The following COMMD6 variants were observed in gnomAD, a reference collection of about 807,000 sequenced individuals.
COMMD6 encodes the protein COMM domain containing 6.
COMMD6 carries 11 observed loss-of-function variants against 13.4 expected under a neutral mutation model. The observed-to-expected ratio is 0.82, with a 90% CI of 0.52 to 1.36. The LOEUF is 1.36. Among genes scored for constraint, COMMD6 ranks in the 40% most tolerant of loss-of-function variants. The pLI is 0.00. For synonymous variants in COMMD6, 43 were observed against 36.5 expected (o/e 1.18, Z -0.64); for missense variants, 124 against 102.4 (o/e 1.21, Z -0.91).
upstream of COMMD6, among the ~76,000 whole-genome samples, chr13:75,542,508 C>T (rs553276781): frequency 8.3e-4 from 127 of 152,232 alleles, no homozygotes; most frequent in African/African-American, 2.9e-3. Context: ...AGTCTGGTCT[C>T]GAACTCCTGA....
rs2030252693 is a variant in COMMD6 at position 75,526,311 on chromosome 13, G to A, written c.*278C>T. 3.4e-6 allele frequency: 1 copy of A among 298,342 alleles called. No homozygotes were observed. The highest frequency in any genetic ancestry group is 6.1e-6 in the Non-Finnish European group (1 of 163,722). 18.5% of individuals were successfully genotyped at this position (298,342 alleles called of 1,614,324 possible). A position where few individuals can be genotyped will look rare whatever the true frequency, so the allele number is the denominator to read the frequency against. The stretch of plus-strand genomic sequence containing the variant: ...ACATAAATTTGTGCTGCCTCCAACA[G>A]CAATGATTCAACTGTTAGTCTGATT... On this transcript the variant is annotated 3_prime_UTR_variant, in exon 4 of 4. Transcript: ENST00000682242.
At chr13:75,536,900 A>C (rs907845207) in intron 2 of COMMD6, among the ~76,000 whole-genome samples, 6 of 152,340 alleles carry the variant, frequency 3.9e-5, no homozygotes, top group African/African-American at 1.4e-4. Flanking sequence ...AAATGCACTA[A>C]ATCATATAAC....
intron 2 of COMMD6, among the ~76,000 whole-genome samples, chr13:75,535,932 GGCTGGACTGCTGTGGTGTAATCACA>G (rs1368568513): frequency 6.6e-6 from 1 of 151,924 alleles, no homozygotes; most frequent in Non-Finnish European, 1.5e-5. Context: ...CTGTCACTCA[GGCTGGACTGCTGTGGTGTAATCACA>G]GCTCACTGCT....
At chr13:75,549,366 A>C in exon 1 of COMMD6, 1 of 168,092 alleles carries the variant, frequency 5.9e-6, no homozygotes, top group Non-Finnish European at 1.3e-5. Context: ...GGCAATGGGT[A>C]GCCACCTGGC....
At chr13:75,526,718 C>A in intron 3 of COMMD6, 79 bp from the exon 4 acceptor site, 1 of 935,954 alleles carries the variant, frequency 1.1e-6, no homozygotes, top group Non-Finnish European at 1.7e-6. Context: ...TATCTGACTA[C>A]CGGAGACTAT....
chr13:75,531,304 AAT>A (rs2030470816), intron 2 of COMMD6, among the ~76,000 whole-genome samples: 1 of 152,342 alleles, frequency 6.6e-6, no homozygotes, highest in East Asian at 1.9e-4. Context: ...AAAGAAATAG[AAT>A]GGTTCCCAAG....
intron 2 of COMMD6, 114 bp from the exon 3 acceptor site, chr13:75,530,380 T>C: frequency 1.4e-6 from 1 of 695,692 alleles, no homozygotes. Flanking sequence ...CTGGTCATAT[T>C]TACATAAAGT....
rs191245428 is a variant in COMMD6, at chr13:75,532,607, G to A, written c.55-2341C>T. Among the ~76,000 whole-genome samples, 81 of 152,162 alleles carry A rather than the reference G, an allele frequency of 5.3e-4. No individual in the cohort carries two copies. In the East Asian group the frequency reaches 8.5e-3, roughly 16 times the overall value. ...AGCACTTTGGGAGGCCGAGGTGGGC[G>A]GATCACGAGGTCAGGAGATCAGAAT... On this transcript the variant is annotated intron_variant, in intron 2 of 3. Transcript: ENST00000682242.
At chr13:75,538,226 G>T (rs533982317), upstream of COMMD6, among the ~76,000 whole-genome samples, 10 of 152,324 alleles carry the variant, frequency 6.6e-5, no homozygotes, top group South Asian at 4.1e-4. Context: ...GCAAGGGAAG[G>T]CTGTGGGAAC....
Position 75,530,117 on chromosome 13 carries a change from A to G in COMMD6, c.204T>C (p.Phe68=), listed in dbSNP as rs1216984618. ...CTGGATGAGTTAAATCACAAACCTG[A>G]AACTGTGGAATCGTCATTTCAAAGC... ...TKCFEMTIPQ[F]QNFYRQFKEI... is the part of the protein sequence containing the mutation. The change falls in exon 3 of 4, where the codon TTT becomes TTC. Residue 68 remains phenylalanine (F), a synonymous_variant. Coordinates refer to ENST00000682242, the MANE Select transcript of COMMD6 (RefSeq NM_203495.4). 2 of 1,611,322 alleles carry G rather than the reference A, an allele frequency of 1.2e-6. No individual in the cohort carries two copies. Among genetic ancestry groups the G allele is most frequent in the Admixed American group, 3.4e-5 (2 of 59,518 alleles).
chr13:75,539,246 A>G (rs1221541481), upstream of COMMD6, among the ~76,000 whole-genome samples: 1 of 146,946 alleles, frequency 6.8e-6, no homozygotes, highest in Non-Finnish European at 1.5e-5. Flanking sequence ...TTTTTTTGAG[A>G]CAGAGTCTCA....
intron 3 of COMMD6, among the ~76,000 whole-genome samples, chr13:75,526,980 T>C (rs2030285731): frequency 6.6e-6 from 1 of 152,216 alleles, no homozygotes; most frequent in Non-Finnish European, 1.5e-5. Context: ...CTCAAAACAC[T>C]TTCAATCTAG....
chr13:75,537,318 G>A (rs1245401275), intron 2 of COMMD6: 2 of 1,548,274 alleles, frequency 1.3e-6, no homozygotes, highest in African/African-American at 2.7e-5. Context: ...TAGAGACTAA[G>A]AAAATGTTTG....
rs2030225468 is a variant in COMMD6, at chr13:75,525,782, A to T, written c.*807T>A. On this transcript the variant is annotated 3_prime_UTR_variant, in exon 4 of 4. Transcript: ENST00000682242. ...TAATATGGCGGACCAGAATGTCTTGATCTATTTCTAGGCCATCTATTCTAT... is the reference window on the plus strand; with the variant it reads ...TAATATGGCGGACCAGAATGTCTTGTTCTATTTCTAGGCCATCTATTCTAT... 1 of 152,214 alleles carries T rather than the reference A, an allele frequency of 6.6e-6. No individual in the cohort carries two copies. Among genetic ancestry groups the T allele is most frequent in the Non-Finnish European group, 1.5e-5 (1 of 68,040 alleles). The allele number at this position is 152,214 out of a possible 1,614,324, so 9.4% of individuals were successfully genotyped here.
At chr13:75,545,739 GGGATTA>G in intron 1 of COMMD6, among the ~76,000 whole-genome samples, 1 of 152,088 alleles carries the variant, frequency 6.6e-6, no homozygotes, top group African/African-American at 2.4e-5. Context: ...CCTGAATGTT[GGGATTA>G]CAGGTGTCAG....
chr13:75,546,862 T>G (rs1370464327), intron 1 of COMMD6, among the ~76,000 whole-genome samples: 2 of 152,242 alleles, frequency 1.3e-5, no homozygotes, highest in African/African-American at 4.8e-5. Flanking sequence ...AAAGTTGCCG[T>G]GAACACTGAA....
chr13:75,533,398 A>C (rs911342927), intron 2 of COMMD6, among the ~76,000 whole-genome samples: 3 of 152,060 alleles, frequency 2.0e-5, no homozygotes, highest in African/African-American at 7.2e-5. Context: ...TGTCTCTACA[A>C]AAAATACAAA....
chr13:75,533,774 T>G (rs114275685), intron 2 of COMMD6, among the ~76,000 whole-genome samples: 301 of 152,174 alleles, frequency 2.0e-3, no homozygotes, highest in African/African-American at 6.9e-3. Flanking sequence ...TATAAAAAAT[T>G]GAGCTTGGAT....
At chr13:75,537,032 C>A (rs559675648) in intron 2 of COMMD6, among the ~76,000 whole-genome samples, 463 of 152,264 alleles carry the variant, frequency 3.0e-3, no homozygotes, top group Non-Finnish European at 4.3e-3. Flanking sequence ...TCTTTCAGCC[C>A]CTGTATTCTA....
Sources: allele counts gnomAD v4.1 joint callset (sites outside exome capture counted in the v4.1 genomes callset), GRCh38; gene constraint gnomAD v4.1.1; transcripts MANE v1.5; gene names NCBI Gene and HGNC (gene_info 2026-07-23, HGNC 2026-07-21).